TARS2: variants seen among roughly 807,000 people sequenced by gnomAD.
TARS2 encodes the protein threonine--tRNA ligase, mitochondrial.
In TARS2, 61 loss-of-function variants were observed where a neutral mutation model predicts 94.4. The observed-to-expected ratio is 0.65, with a 90% CI of 0.53 to 0.80. The LOEUF is 0.80. TARS2 is among the 30% of genes least tolerant of loss of function. TARS2 has a pLI of 0.00. For synonymous variants in TARS2, 359 were observed against 353.4 expected, an observed-to-expected ratio of 1.02 and a Z score of -0.18; for missense variants, 704 against 902.5, an observed-to-expected ratio of 0.78 and a Z score of 2.82.
rs368519837 is a variant in TARS2 at position 150,498,933 on chromosome 1, C to T, written c.1438C>T (p.Arg480Cys). The change falls in exon 12 of 18, where the codon CGT (arginine) becomes TGT (cysteine). Residue 480 changes from arginine to cysteine, a missense_variant. Physicochemically the swap from Arg to Cys is radical, Grantham distance 180. Around this residue, in one of 3 missense-constraint regions of TARS2, gnomAD observed 466 missense variants for 609.5 expected, o/e 0.76. Transcript: ENST00000369064. ...AEIQSCLDFL[R>C]SVYAVLGFSF... ...GATCCAAAGCTGTCTTGATTTCCTC[C>T]GTTCCGTCTATGCCGTTCTTGGCTT... The T allele has an allele frequency of 1.9e-5, 31 of 1,614,104 alleles. No individual in the cohort carries two copies. Among genetic ancestry groups the T allele is most frequent in the Non-Finnish European group, 2.5e-5 (29 of 1,180,060 alleles).
chr1:150,498,734 C>T lies in TARS2; in HGVS notation c.1401+70C>T, dbSNP rs1669781276. 5.0e-6 allele frequency: 8 copies of T among 1,608,834 alleles called. No homozygotes were observed. In the South Asian group the frequency reaches 7.7e-5, roughly 16 times the overall value. ...CTTTCTCCCTATGAACCTGCAAACC[C>T]CTGATCTTTATTTGCCCCCTGTATG... is the stretch of plus-strand genomic sequence containing the variant. On this transcript the variant is annotated intron_variant, in intron 11 of 17. Transcript: ENST00000369064.
rs1670137158 is a variant in TARS2, at chr1:150,504,985, A to C, written c.1893+7A>C. On this transcript the variant is annotated splice_region_variant and intron_variant, in intron 16 of 17. Transcript: ENST00000369064. ...AGAGGAATACGCCAAAGAGGTAAGG[A>C]GTTGAGGTAAGGGAGGGGGCAGAAG... 1 of 1,613,738 alleles carries C rather than the reference A, an allele frequency of 6.2e-7. No homozygotes were observed. The highest frequency in any genetic ancestry group is 8.5e-7 in the Non-Finnish European group (1 of 1,179,980).
Position 150,507,310 on chromosome 1 carries a change from C to T in TARS2, c.*246C>T. ...TTGGGCCAGGCGCAGTGGCTCATGC[C>T]TGTAATCCCAGCACTCTGGGAGGCT... On this transcript the variant is annotated 3_prime_UTR_variant, in exon 18 of 18. Coordinates refer to ENST00000369064, the MANE Select transcript of TARS2 (RefSeq NM_025150.5). 2.3e-6 allele frequency: 1 copy of T among 435,194 alleles called. No individual in the cohort carries two copies. Among genetic ancestry groups the T allele is most frequent in the Non-Finnish European group, 4.1e-6 (1 of 245,520 alleles). The allele number at this position is 435,194 out of a possible 1,614,324, so 27.0% of individuals were successfully genotyped here. A position where few individuals can be genotyped will look rare whatever the true frequency, so the allele number is the denominator to read the frequency against.
chr1:150,504,751 G>T lies in TARS2; in HGVS notation c.1820+18G>T, dbSNP rs748650608. The T allele has an allele frequency of 1.9e-6, 3 of 1,613,992 alleles. No homozygotes were observed. The highest frequency in any genetic ancestry group is 4.5e-5 in the East Asian group (2 of 44,880). Reference sequence around the variant, plus strand: ...GGGAAATGGTGAGACCTCTGACCTGGATTTCTGTTCTGGCCCCAAACCGGA... The same window carrying T: ...GGGAAATGGTGAGACCTCTGACCTGTATTTCTGTTCTGGCCCCAAACCGGA... On this transcript the variant is annotated intron_variant, in intron 15 of 17. Coordinates refer to ENST00000369064, the MANE Select transcript of TARS2 (RefSeq NM_025150.5).
chr1:150,497,421 G>GTGGTTGCAA, intron 9 of TARS2, 109 bp from the exon 10 acceptor site: 1 of 945,778 alleles, frequency 1.1e-6, no homozygotes, highest in Non-Finnish European at 1.7e-6. Flanking sequence ...TTAATAGGTT[G>GTGGTTGCAA]TGGTTGCAAT....
chr1:150,505,191 TA>T (rs1233422819), intron 16 of TARS2, among the ~76,000 whole-genome samples: 1 of 152,190 alleles, frequency 6.6e-6, no homozygotes, highest in East Asian at 1.9e-4. Flanking sequence ...GTATGAAAAT[TA>T]AACAAATTAA....
intron 13 of TARS2, among the ~76,000 whole-genome samples, chr1:150,500,008 C>CAAA (rs587603543): frequency 9.6e-6 from 1 of 104,056 alleles, no homozygotes. Context: ...CTGTGTCTAC[C>CAAA]AAAAAAAAAA....
chr1:150,496,387 T>G, intron 7 of TARS2, 95 bp from the exon 8 acceptor site: 1 of 1,436,726 alleles, frequency 7.0e-7, no homozygotes, highest in East Asian at 2.3e-5. Context: ...GAGGCATACC[T>G]GTGACACTTA....
At chr1:150,496,709 A>G in intron 8 of TARS2, 81 bp downstream of exon 8, 1 of 1,599,744 alleles carries the variant, frequency 6.3e-7, no homozygotes, top group Non-Finnish European at 8.5e-7. Context: ...AATTGGGAGC[A>G]GATTCAGTCA....
intron 3 of TARS2, 66 bp from the exon 4 acceptor site, chr1:150,490,535 A>C (rs1201118224): frequency 1.3e-6 from 2 of 1,537,160 alleles, no homozygotes; most frequent in Non-Finnish European, 1.7e-6. Context: ...TGTGAGGAAG[A>C]GCTCAGAGAT....
chr1:150,502,191 C>T (rs1487165154), intron 13 of TARS2, among the ~76,000 whole-genome samples: 1 of 151,636 alleles, frequency 6.6e-6, no homozygotes, highest in Non-Finnish European at 1.5e-5. Context: ...GGGATTATTA[C>T]AGGCATGAGC....
chr1:150,501,060 T>A (rs1308022876), intron 13 of TARS2, among the ~76,000 whole-genome samples: 7 of 152,048 alleles, frequency 4.6e-5, no homozygotes, highest in Non-Finnish European at 1.0e-4. Context: ...CATCCCATGG[T>A]ATCAATTATC....
intron 7 of TARS2, among the ~76,000 whole-genome samples, chr1:150,494,781 T>C (rs1455388071): frequency 6.6e-6 from 1 of 152,154 alleles, no homozygotes; most frequent in African/African-American, 2.4e-5. Context: ...CTCACGCCTG[T>C]AATCCTAACA....
At chr1:150,505,891 T>C (rs1670178119) in intron 17 of TARS2, among the ~76,000 whole-genome samples, 186 bp downstream of exon 17, 2 of 152,212 alleles carry the variant, frequency 1.3e-5, no homozygotes, top group Non-Finnish European at 2.9e-5. Flanking sequence ...GCCCTCCCCA[T>C]AACCACTTCT....
At chr1:150,503,297 C>T (rs1426820911) in intron 13 of TARS2, among the ~76,000 whole-genome samples, 1 of 152,068 alleles carries the variant, frequency 6.6e-6, no homozygotes, top group Admixed American at 6.6e-5. Flanking sequence ...GAAAATGGTA[C>T]AGCTTCATGG....
chr1:150,491,880 C>T (rs745629789), intron 6 of TARS2: 20 of 503,936 alleles, frequency 4.0e-5, no homozygotes, highest in Admixed American at 1.6e-4. Context: ...CTGCAACCTC[C>T]GCCTCCTGGG....
At chr1:150,494,742 AATATAC>A (rs972919497) in intron 7 of TARS2, among the ~76,000 whole-genome samples, 1 of 151,936 alleles carries the variant, frequency 6.6e-6, no homozygotes, top group Non-Finnish European at 1.5e-5. Flanking sequence ...TGTTTCAAAA[AATATAC>A]ATATAGGGGC....
chr1:150,490,196 G>T (rs1669322112), intron 3 of TARS2, among the ~76,000 whole-genome samples: 1 of 125,438 alleles, frequency 8.0e-6, no homozygotes, highest in Non-Finnish European at 1.6e-5. Context: ...TTGGTTCACT[G>T]CAACTTCCAC....
At chr1:150,496,778 AGGT>A (rs759413763) in intron 8 of TARS2, 29 bp from the exon 9 acceptor site, 8 of 1,612,466 alleles carry the variant, frequency 5.0e-6, no homozygotes, top group Non-Finnish European at 5.9e-6. Context: ...CTTGCCCTTG[AGGT>A]GACCCAATAT....
Sources: allele counts gnomAD v4.1 joint callset (sites outside exome capture counted in the v4.1 genomes callset), GRCh38; gene constraint gnomAD v4.1.1; regional missense constraint gnomAD v4.1.1; transcripts MANE v1.5; gene names NCBI Gene and HGNC (gene_info 2026-07-23, HGNC 2026-07-21).